RFC1: variants seen among roughly 807,000 people sequenced by gnomAD.
RFC1 encodes the protein replication factor C subunit 1.
Under a neutral mutation model 137.4 loss-of-function variants are expected in RFC1, and 37 were observed. The ratio of observed to expected loss-of-function variants is 0.27; its 90% CI spans 0.21 to 0.35. The LOEUF (loss-of-function observed/expected upper bound fraction) is 0.35. Ranked by LOEUF, RFC1 falls within the 10% of genes least tolerant of loss-of-function variation. RFC1 has a pLI of 1.00. For missense variants in RFC1, 1,205 were observed against 1,358.5 expected (o/e 0.89, Z 1.78); for synonymous variants, 429 against 455.7 (o/e 0.94, Z 0.75).
At chr4:39,362,788 G>A (rs971740457) in intron 1 of RFC1, among the ~76,000 whole-genome samples, 5 of 152,216 alleles carry the variant, frequency 3.3e-5, no homozygotes, top group African/African-American at 1.2e-4. Flanking sequence ...TTCAAAGAAA[G>A]AAAATAGCAA....
At chr4:39,353,123 A>T (rs1741289663) in intron 1 of RFC1, among the ~76,000 whole-genome samples, 1 of 152,146 alleles carries the variant, frequency 6.6e-6, no homozygotes, top group South Asian at 2.1e-4. Flanking sequence ...TTTTAAGGCC[A>T]AGTAAGGTAG....
At chr4:39,365,217 T>C (rs1407342241) in intron 1 of RFC1, among the ~76,000 whole-genome samples, 1 of 136,240 alleles carries the variant, frequency 7.3e-6, no homozygotes, top group African/African-American at 2.8e-5. Flanking sequence ...CTAAAGAAGA[T>C]GCTTGGTACA....
At chr4:39,290,616 A>AC (rs1316434669) in intron 23 of RFC1, among the ~76,000 whole-genome samples, 1 of 152,070 alleles carries the variant, frequency 6.6e-6, no homozygotes, top group African/African-American at 2.4e-5. Flanking sequence ...GGAGTTTGAG[A>AC]CCAGCCTGGC....
chr4:39,288,708 TG>T lies in RFC1; in HGVS notation c.*52del, dbSNP rs1450733632. On this transcript the variant is annotated 3_prime_UTR_variant, in exon 25 of 25. Transcript: ENST00000349703. ...AAAACAAGGCTTTCTCTAGACCAGCTGGACTGGTCAGGAGGGAGAGTAAAAA... is the reference window on the plus strand; with the variant it reads ...AAAACAAGGCTTTCTCTAGACCAGCTGACTGGTCAGGAGGGAGAGTAAAAA... The T allele has an allele frequency of 7.1e-6, 8 of 1,125,784 alleles. No homozygotes were observed. The African/African-American group carries it at 7.8e-5, about 11-fold the overall frequency. 69.7% of individuals were successfully genotyped at this position (1,125,784 alleles called of 1,614,324 possible). A position where few individuals can be genotyped will look rare whatever the true frequency, so the allele number is the denominator to read the frequency against.
At chr4:39,337,107 G>A (rs1740391802) in intron 4 of RFC1, among the ~76,000 whole-genome samples, 1 of 152,134 alleles carries the variant, frequency 6.6e-6, no homozygotes, top group Non-Finnish European at 1.5e-5. Context: ...AGGTGCAGTG[G>A]CTCACGCCTA....
At chr4:39,347,488 C>G (rs1362978297) in intron 2 of RFC1, among the ~76,000 whole-genome samples, 2 of 152,200 alleles carry the variant, frequency 1.3e-5, no homozygotes, top group Non-Finnish European at 2.9e-5. Flanking sequence ...TTCTGTTTCT[C>G]TACAGAACTC....
chr4:39,364,015 G>T (rs528652670), intron 1 of RFC1, among the ~76,000 whole-genome samples: 2 of 147,964 alleles, frequency 1.4e-5, no homozygotes, highest in Non-Finnish European at 3.0e-5. Context: ...CGGAATTAGA[G>T]ATGGCAGTGA....
At chr4:39,289,761 G>A (rs1210939828) in intron 24 of RFC1, 87 bp downstream of exon 24, 13 of 865,158 alleles carry the variant, frequency 1.5e-5, no homozygotes, top group Non-Finnish European at 2.5e-5. Context: ...AAGTTATTCT[G>A]CTATGTGCTG....
rs769592597 is a variant in RFC1 at position 39,287,950 on chromosome 4, A to C, written c.*811T>G. ...ATAAGAATGTCTGAGAATCTTCTGC[A>C]GCCCCCCACGCTGCAAAGCCCCATA... On this transcript the variant is annotated 3_prime_UTR_variant, in exon 25 of 25. Coordinates refer to ENST00000349703, the MANE Select transcript of RFC1 (RefSeq NM_002913.5). 1 of 152,364 alleles carries C rather than the reference A, an allele frequency of 6.6e-6. No homozygotes were observed. Among genetic ancestry groups the C allele is most frequent in the South Asian group, 2.1e-4 (1 of 4,822 alleles). 9.4% of individuals were successfully genotyped at this position (152,364 alleles called of 1,614,324 possible). A position where few individuals can be genotyped will look rare whatever the true frequency, so the allele number is the denominator to read the frequency against.
chr4:39,300,488 G>A (rs1159656748), intron 19 of RFC1, 74 bp from the exon 20 acceptor site: 8 of 1,081,714 alleles, frequency 7.4e-6, no homozygotes, highest in Non-Finnish European at 1.1e-5. Context: ...TGCTAACGAG[G>A]ATATGGAACA....
At position 39,287,667 on chromosome 4, in the gene RFC1, A is replaced by G. The variant is rs1737443918; in HGVS notation, c.*1094T>C. On this transcript the variant is annotated 3_prime_UTR_variant, in exon 25 of 25. Coordinates refer to ENST00000349703, the MANE Select transcript of RFC1 (RefSeq NM_002913.5). The stretch of plus-strand genomic sequence containing the variant: ...TAGCACAGACCTCTGAGCATTTACC[A>G]ACAAGATTAAAAAATAGCTAGACAT... 6.6e-6 allele frequency: 1 copy of G among 152,212 alleles called. No individual in the cohort carries two copies. The highest frequency in any genetic ancestry group is 2.4e-5 in the African/African-American group (1 of 41,438). 9.4% of individuals were successfully genotyped at this position (152,212 alleles called of 1,614,324 possible).
At chr4:39,295,810 T>G in intron 21 of RFC1, 51 bp from the exon 22 acceptor site, 1 of 1,551,378 alleles carries the variant, frequency 6.4e-7, no homozygotes. Context: ...ACAAAGTTAC[T>G]TCCTTAATAG....
intron 10 of RFC1, among the ~76,000 whole-genome samples, chr4:39,313,654 T>C (rs1739085118): frequency 6.6e-6 from 1 of 152,092 alleles, no homozygotes; most frequent in African/African-American, 2.4e-5. Context: ...ATGCAACTTA[T>C]AATGCTTAAT....
rs1251078681 is a variant in RFC1 at position 39,295,601 on chromosome 4, T to C, written c.2954+13A>G. 12 of 1,582,700 alleles carry C rather than the reference T, an allele frequency of 7.6e-6. No homozygotes were observed. The highest frequency in any genetic ancestry group is 1.0e-5 in the Non-Finnish European group (12 of 1,162,108). ...AATCGATAAAATACCCGAAACAGAGTAATCCCACCTACCTGAGACTCATAT... is the reference window on the plus strand; with the variant it reads ...AATCGATAAAATACCCGAAACAGAGCAATCCCACCTACCTGAGACTCATAT... On this transcript the variant is annotated intron_variant, in intron 22 of 24. Coordinates refer to ENST00000349703, the MANE Select transcript of RFC1 (RefSeq NM_002913.5).
At chr4:39,317,067 C>T in intron 9 of RFC1, 45 bp from the exon 10 acceptor site, 1 of 1,244,472 alleles carries the variant, frequency 8.0e-7, no homozygotes, top group South Asian at 1.2e-5. Context: ...ATACAGAATT[C>T]ATGCAAAATT....
chr4:39,296,623 G>A (rs1041190009), intron 21 of RFC1, among the ~76,000 whole-genome samples: 66 of 151,560 alleles, frequency 4.4e-4, no homozygotes, highest in Non-Finnish European at 9.1e-4. Context: ...TGGTATATAT[G>A]TGCCACATTT....
chr4:39,289,992 A>T lies in RFC1; in HGVS notation c.3216T>A (p.Thr1072=). 6.2e-7 allele frequency: 1 copy of T among 1,613,780 alleles called. No individual in the cohort carries two copies. The highest frequency in any genetic ancestry group is 1.3e-5 in the African/African-American group (1 of 74,980). The change falls in exon 24 of 25, where the codon ACT becomes ACA. Residue 1072 remains threonine (T), a synonymous_variant. Transcript: ENST00000349703. ...CCTTTATAGCTTGAAGTGAGTATGG[A>T]GTAAGGTGGGCTTCCTTATTGTAAG... ...TRAYNKEAHL[T]PYSLQAIKAS... is the part of the protein sequence containing the mutation.
intron 1 of RFC1, among the ~76,000 whole-genome samples, chr4:39,353,082 T>C (rs1043946756): frequency 6.6e-6 from 1 of 152,050 alleles, no homozygotes; most frequent in East Asian, 1.9e-4. Flanking sequence ...ACAAAGCAGA[T>C]AATTGAAGTA....
chr4:39,351,985 G>C (rs927550090), intron 1 of RFC1, among the ~76,000 whole-genome samples: 1 of 143,396 alleles, frequency 7.0e-6, no homozygotes, highest in Admixed American at 7.0e-5. Flanking sequence ...AAAAAAAAAA[G>C]AATAATTTGT....
Sources: allele counts gnomAD v4.1 joint callset (sites outside exome capture counted in the v4.1 genomes callset), GRCh38; gene constraint gnomAD v4.1.1; transcripts MANE v1.5; gene names NCBI Gene and HGNC (gene_info 2026-07-23, HGNC 2026-07-21).